Variants in PTPRN2 observed in about 807,000 individuals in gnomAD.
The protein encoded by PTPRN2 is protein tyrosine phosphatase receptor type N2.
PTPRN2 carries 74 observed loss-of-function variants against 118.8 expected under a neutral mutation model. The observed-to-expected ratio is 0.62, with a 90% CI of 0.52 to 0.76. The LOEUF (loss-of-function observed/expected upper bound fraction) is 0.76. Ranked by LOEUF, PTPRN2 falls within the 30% of genes least tolerant of loss-of-function variation. The probability of loss-of-function intolerance (pLI) is 0.00; values close to 1 mark genes in which losing one functional copy is unlikely to be tolerated. For synonymous variants in PTPRN2, 641 were observed against 608.0 expected (o/e 1.05, Z -0.80); for missense variants, 1,481 against 1,394.4 (o/e 1.06, Z -0.99).
chr7:158,186,351 T>G (rs905643984), intron 5 of PTPRN2, among the ~76,000 whole-genome samples: 9 of 152,086 alleles, frequency 5.9e-5, no homozygotes, highest in African/African-American at 1.9e-4. Flanking sequence ...GGGAGGGGGA[T>G]AGTCTCCTGG....
chr7:158,504,950 A>G (rs899967017), intron 1 of PTPRN2, among the ~76,000 whole-genome samples: 3 of 152,256 alleles, frequency 2.0e-5, no homozygotes, highest in African/African-American at 4.8e-5. Flanking sequence ...AAGACTTTCA[A>G]AATATCTTGC....
intron 11 of PTPRN2, among the ~76,000 whole-genome samples, chr7:157,979,120 A>T (rs899398474): frequency 6.6e-6 from 1 of 151,996 alleles, no homozygotes; most frequent in Non-Finnish European, 1.5e-5. Context: ...CCCTGGCAGG[A>T]GGGATTGTTT....
At position 157,751,057 on chromosome 7, in the gene PTPRN2, A is replaced by G. The variant is rs539732078; in HGVS notation, c.1789-68120T>C. On this transcript the variant is annotated intron_variant, in intron 12 of 22. Coordinates refer to ENST00000389418, the MANE Select transcript of PTPRN2 (RefSeq NM_002847.5). Reference sequence around the variant, plus strand: ...GTGAGCGTCCTGCCCAACTCTGGGAAAACCTCCCAGATCCTGGCGGGGAGC... The same window carrying G: ...GTGAGCGTCCTGCCCAACTCTGGGAGAACCTCCCAGATCCTGGCGGGGAGC... Among the ~76,000 whole-genome samples, 10 of 152,354 alleles carry G rather than the reference A, an allele frequency of 6.6e-5. No homozygotes were observed. The South Asian group carries it at 1.9e-3, about 28-fold the overall frequency.
At chr7:157,657,182 GCCACACACACA>G (rs1795550056) in intron 13 of PTPRN2, among the ~76,000 whole-genome samples, 1 of 77,706 alleles carries the variant, frequency 1.3e-5, no homozygotes, top group Non-Finnish European at 2.5e-5. Context: ...ACACACATAT[GCCACACACACA>G]CCACACACAT....
chr7:157,945,616 C>G (rs1475488151), intron 11 of PTPRN2, among the ~76,000 whole-genome samples: 1 of 151,978 alleles, frequency 6.6e-6, no homozygotes, highest in African/African-American at 2.4e-5. Context: ...CAGACAATGG[C>G]GCCTCCAGCT....
Position 158,316,941 on chromosome 7 carries a change from A to G in PTPRN2, c.164-9T>C. 2 of 1,594,952 alleles carry G rather than the reference A, an allele frequency of 1.3e-6. No individual in the cohort carries two copies. Among genetic ancestry groups the G allele is most frequent in the South Asian group, 2.2e-5 (2 of 90,144 alleles). On this transcript the variant is annotated splice_polypyrimidine_tract_variant and intron_variant, in intron 2 of 22. Transcript: ENST00000389418. ...CCTTCCAAACACTCCATCTGTGAGA[A>G]GGGAAGGAGATAAGACAGAACGAGA... is the stretch of plus-strand genomic sequence containing the variant.
intron 12 of PTPRN2, among the ~76,000 whole-genome samples, chr7:157,746,738 T>C (rs1466668224): frequency 5.3e-5 from 8 of 152,188 alleles, no homozygotes; most frequent in East Asian, 1.9e-4. Context: ...GAGCAGAAGA[T>C]GCCCATTAAA....
intron 12 of PTPRN2, among the ~76,000 whole-genome samples, chr7:157,822,779 C>T (rs904546394): frequency 2.0e-5 from 3 of 151,884 alleles, no homozygotes; most frequent in African/African-American, 7.3e-5. Flanking sequence ...TCCATCCTTC[C>T]TCCTATATAT....
At chr7:158,118,733 T>A (rs1440588735) in intron 9 of PTPRN2, among the ~76,000 whole-genome samples, 1 of 152,198 alleles carries the variant, frequency 6.6e-6, no homozygotes. Flanking sequence ...ATGTCTTCTT[T>A]TTTTGTCGCC....
intron 11 of PTPRN2, among the ~76,000 whole-genome samples, chr7:157,902,300 T>C (rs12540633): frequency 0.55 from 67,129 of 121,836 alleles, 18,289 homozygotes; most frequent in East Asian, 0.72. Flanking sequence ...ATGAGAAGTG[T>C]GGTGCCGCCA....
At chr7:157,770,096 G>T (rs1203579093) in intron 12 of PTPRN2, among the ~76,000 whole-genome samples, 3 of 152,226 alleles carry the variant, frequency 2.0e-5, no homozygotes, top group Non-Finnish European at 2.9e-5. Context: ...GCTGCCACCG[G>T]CCCCGGTGAA....
intron 6 of PTPRN2, among the ~76,000 whole-genome samples, chr7:158,140,596 C>T (rs553533765): frequency 3.9e-4 from 60 of 152,230 alleles, no homozygotes; most frequent in African/African-American, 1.4e-3. Context: ...CCAGAGAATC[C>T]ACAGAATCCT....
At chr7:157,905,851 C>T (rs1043855782) in intron 11 of PTPRN2, among the ~76,000 whole-genome samples, 43 of 152,260 alleles carry the variant, frequency 2.8e-4, no homozygotes, top group African/African-American at 9.6e-4. Context: ...GCTTTCTGGA[C>T]GGCACCACTG....
At chr7:157,661,500 C>A (rs1198470793) in intron 13 of PTPRN2, among the ~76,000 whole-genome samples, 1 of 152,240 alleles carries the variant, frequency 6.6e-6, no homozygotes, top group Admixed American at 6.5e-5. Flanking sequence ...CGGCGCTGCT[C>A]CGCTCTGAAC....
At chr7:158,316,744 G>A (rs1020016728) in intron 3 of PTPRN2, 75 bp downstream of exon 3, 153 of 1,126,170 alleles carry the variant, frequency 1.4e-4, no homozygotes, top group African/African-American at 7.0e-4. Flanking sequence ...GCTCCTCACC[G>A]CCCAGGAGGA....
rs1337289713 is a variant in PTPRN2, at chr7:157,603,144, C to T, written c.2418+858G>A. ...CCCGGCCCTGGACAGTGTCCCATCCCGCCCCCGCCACCTGCCACCATCACT... is the reference window on the plus strand; with the variant it reads ...CCCGGCCCTGGACAGTGTCCCATCCTGCCCCCGCCACCTGCCACCATCACT... On this transcript the variant is annotated intron_variant, in intron 16 of 22. Transcript: ENST00000389418. The surrounding 1 kb of genome is among the most constrained non-coding windows in gnomAD (Gnocchi z 5.4). 6.6e-6 allele frequency among the ~76,000 whole-genome samples: 1 copy of T among 152,082 alleles called. No individual in the cohort carries two copies. The highest frequency in any genetic ancestry group is 1.5e-5 in the Non-Finnish European group (1 of 68,004).
intron 13 of PTPRN2, among the ~76,000 whole-genome samples, chr7:157,664,960 G>A (rs1045067772): frequency 6.6e-6 from 1 of 152,220 alleles, no homozygotes; most frequent in African/African-American, 2.4e-5. Context: ...AACTCTCCTG[G>A]TCAGACGGTG....
Position 158,127,282 on chromosome 7 carries a change from G to GTGCCC in PTPRN2, c.1556+6390_1556+6394dup, listed in dbSNP as rs200291903. On this transcript the variant is annotated intron_variant, in intron 9 of 22. Coordinates refer to ENST00000389418, the MANE Select transcript of PTPRN2 (RefSeq NM_002847.5). ...ACAGAGGCTGCTCATCCGTGCACCT[G>GTGCCC]TGCCCTGCGTCCTCCTCTGCGTGCA... is the stretch of plus-strand genomic sequence containing the variant. Among the ~76,000 whole-genome samples the GTGCCC allele has an allele frequency of 9.4e-3, 1,423 of 152,054 alleles. 22 individuals are homozygous for GTGCCC. The highest frequency in any genetic ancestry group is 0.032 in the African/African-American group (1,331 of 41,436).
intron 12 of PTPRN2, among the ~76,000 whole-genome samples, chr7:157,744,903 C>T (rs998671235): frequency 6.6e-6 from 1 of 152,204 alleles, no homozygotes; most frequent in Non-Finnish European, 1.5e-5. Context: ...TTCAGCCGCA[C>T]CCCAGTCCCC....
Sources: allele counts gnomAD v4.1 joint callset (sites outside exome capture counted in the v4.1 genomes callset), GRCh38; gene constraint gnomAD v4.1.1; non-coding constraint Gnocchi (gnomAD v3.1); transcripts MANE v1.5; gene names NCBI Gene and HGNC (gene_info 2026-07-23, HGNC 2026-07-21).